The following CCDC30 variants were observed in gnomAD, a reference collection of about 807,000 sequenced individuals.
CCDC30 encodes coiled-coil domain-containing protein 30.
A neutral mutation model predicts 100.2 loss-of-function variants in CCDC30; 70 were observed. That is an observed-to-expected ratio of 0.70 (90% CI 0.58 to 0.85). The LOEUF is 0.85. Ranked by LOEUF, CCDC30 falls within the 40% of genes least tolerant of loss-of-function variation. The pLI is 0.00. For synonymous variants in CCDC30, 233 were observed against 269.5 expected (o/e 0.86, Z 1.33); for missense variants, 652 against 771.2 (o/e 0.85, Z 1.83).
chr1:42,456,524 GCGGCCGCGAAACGTGCGCAGGCGC>G, the CCDC30 span: 2 of 1,437,510 alleles, frequency 1.4e-6, no homozygotes, highest in African/African-American at 1.5e-5. Flanking sequence ...GCGTGGCGCG[GCGGCCGCGAAACGTGCGCAGGCGC>G]CGGCCGCTGC....
intron 1 of CCDC30, among the ~76,000 whole-genome samples, chr1:42,470,368 C>T (rs1301558616): frequency 1.3e-5 from 2 of 151,344 alleles, no homozygotes; most frequent in Admixed American, 6.6e-5. Context: ...CTGGTAGGAA[C>T]GTAAAATGGT....
At chr1:42,628,548 C>T (rs1319670241) in intron 11 of CCDC30, among the ~76,000 whole-genome samples, 2 of 152,088 alleles carry the variant, frequency 1.3e-5, no homozygotes, top group East Asian at 3.9e-4. Context: ...CCAAAATTCC[C>T]ACATGTTGTG....
intron 6 of CCDC30, 141 bp downstream of exon 8, chr1:42,539,451 T>G: frequency 3.4e-6 from 2 of 596,196 alleles, no homozygotes; most frequent in Non-Finnish European, 5.4e-6. Context: ...TGCCATATAC[T>G]GCCATATACT....
At chr1:42,609,248 C>G (rs1646568826) in intron 10 of CCDC30, among the ~76,000 whole-genome samples, 1 of 152,104 alleles carries the variant, frequency 6.6e-6, no homozygotes, top group Non-Finnish European at 1.5e-5. Flanking sequence ...TCCACTTCTA[C>G]TTAATGAATA....
At chr1:42,539,596 A>C (rs761972573) in intron 6 of CCDC30, among the ~76,000 whole-genome samples, 2 of 152,166 alleles carry the variant, frequency 1.3e-5, no homozygotes, top group Non-Finnish European at 2.9e-5. Context: ...TACATATTAT[A>C]ATGTAAAATA....
At chr1:42,537,334 C>T in intron 6 of CCDC30, 1 of 447,512 alleles carries the variant, frequency 2.2e-6, no homozygotes. Context: ...AGGATAGTGA[C>T]ACTCAATCAG....
chr1:42,538,971 T>G (rs1397700957), intron 6 of CCDC30, among the ~76,000 whole-genome samples: 5 of 152,218 alleles, frequency 3.3e-5, no homozygotes. Context: ...AATGCTCAGT[T>G]TATTTAATTG....
intron 9 of CCDC30, among the ~76,000 whole-genome samples, chr1:42,581,834 T>C (rs1400015864): frequency 6.6e-6 from 1 of 152,206 alleles, no homozygotes; most frequent in Admixed American, 6.5e-5. Context: ...TGCTCTGACA[T>C]GTAGTCTGAC....
intron 11 of CCDC30, among the ~76,000 whole-genome samples, chr1:42,621,573 G>A (rs957729579): frequency 9.9e-5 from 15 of 151,946 alleles, no homozygotes; most frequent in African/African-American, 3.6e-4. Flanking sequence ...GTGCAGTGGC[G>A]TGATCTCTGC....
chr1:42,546,214 C>T (rs1445201242), intron 6 of CCDC30, among the ~76,000 whole-genome samples: 9 of 149,926 alleles, frequency 6.0e-5, no homozygotes, highest in Non-Finnish European at 1.2e-4. Flanking sequence ...GGAGAAACCC[C>T]ATCTCTACTA....
At chr1:42,520,184 T>C (rs1274539547) in intron 6 of CCDC30, among the ~76,000 whole-genome samples, 1 of 152,094 alleles carries the variant, frequency 6.6e-6, no homozygotes, top group Admixed American at 6.5e-5. Flanking sequence ...GTTCTTTAAG[T>C]TGTGAAGTTA....
rs867759057 is a variant in CCDC30, at chr1:42,493,417, G to T, written c.241+3188G>T. 2.6e-5 allele frequency among the ~76,000 whole-genome samples: 4 copies of T among 151,906 alleles called. No individual in the cohort carries two copies. The South Asian group carries it at 8.3e-4, about 32-fold the overall frequency. ...ATCCTGGCCAACATGGTGAAACCCC[G>T]TGTCTACTAAAAATACAAAAATTAG... On this transcript the variant is annotated intron_variant, in intron 4 of 16. Transcript: ENST00000668663.
At chr1:42,492,185 C>A in intron 4 of CCDC30, 1 of 240,700 alleles carries the variant, frequency 4.2e-6, no homozygotes, top group South Asian at 5.6e-5. Flanking sequence ...CAGAAGGCCT[C>A]TTATGCTCAG....
intron 12 of CCDC30, among the ~76,000 whole-genome samples, chr1:42,638,386 T>C (rs1647199520): frequency 6.6e-6 from 1 of 152,038 alleles, no homozygotes; most frequent in South Asian, 2.1e-4. Context: ...AAAAATCCTC[T>C]TGATACTCTA....
rs1645035789 is a variant in CCDC30, at chr1:42,542,586, C to G, written c.457-23710C>G. On this transcript the variant is annotated intron_variant, in intron 6 of 16. Transcript: ENST00000668663. ...TGAGACGGAGTCTCGCTCTGTCGCC[C>G]AGGCCGGACTGCGGACTGCAGTGGC... Among the ~76,000 whole-genome samples the G allele has an allele frequency of 5.0e-5, 5 of 99,308 alleles. 1 individual carries two copies. Among genetic ancestry groups the G allele is most frequent in the Non-Finnish European group, 1.1e-4 (5 of 45,736 alleles). 65.1% of individuals were successfully genotyped at this position (99,308 alleles called of 152,430 possible).
intron 1 of CCDC30, among the ~76,000 whole-genome samples, chr1:42,471,909 ATATT>A (rs894769935): frequency 7.2e-5 from 11 of 152,320 alleles, no homozygotes; most frequent in African/African-American, 1.9e-4. Context: ...GCAAAATAGT[ATATT>A]TATGTGGACT....
At chr1:42,520,956 A>G (rs1569896220) in intron 6 of CCDC30, among the ~76,000 whole-genome samples, 1 of 137,938 alleles carries the variant, frequency 7.2e-6, no homozygotes, top group African/African-American at 2.7e-5. Context: ...CCCCAGCCTC[A>G]TCTTTAAGTA....
chr1:42,577,067 A>G (rs1645854008), exon 8 of CCDC30: 3 of 1,614,006 alleles, frequency 1.9e-6, no homozygotes. Context: ...TAGACAGCAC[A>G]AAGATGTGCT....
At chr1:42,534,718 T>A (rs765072772) in intron 6 of CCDC30, among the ~76,000 whole-genome samples, 14 of 152,330 alleles carry the variant, frequency 9.2e-5, no homozygotes, top group Admixed American at 2.6e-4. Flanking sequence ...AACAGCAAAG[T>A]CTCAAATCCA....
Sources: gnomAD v4.1 joint callset for allele counts (sites outside exome capture counted in the v4.1 genomes callset) on GRCh38, gnomAD v4.1.1 for gene constraint, MANE v1.5 for transcripts, NCBI Gene and HGNC (gene_info 2026-07-23, HGNC 2026-07-21) for gene names.